Variants in SLC17A9 observed in about 807,000 individuals in gnomAD.
SLC17A9 encodes the protein voltage-gated purine nucleotide uniporter SLC17A9.
Under a neutral mutation model 55.0 loss-of-function variants are expected in SLC17A9, and 49 were observed. That is an observed-to-expected ratio of 0.89 (90% CI 0.71 to 1.13). SLC17A9 has a LOEUF of 1.13. Among genes scored for constraint, SLC17A9 ranks in the 50% most tolerant of loss-of-function variants. The pLI, the probability that SLC17A9 is intolerant of heterozygous loss-of-function variation, is 0.00. For synonymous variants in SLC17A9, 256 were observed against 247.4 expected (o/e 1.03, Z -0.32); for missense variants, 526 against 569.3 (o/e 0.92, Z 0.77).
At position 62,962,845 on chromosome 20, in the gene SLC17A9, A is replaced by G. The variant is rs879919007; in HGVS notation, c.628+91A>G. 42 of 1,537,914 alleles carry G rather than the reference A, an allele frequency of 2.7e-5. No homozygotes were observed. The highest frequency in any genetic ancestry group is 3.6e-5 in the Non-Finnish European group (41 of 1,138,682). ...CAGCCGCTGAGCAGCCTGGAGCAGG[A>G]GCCCGGAGACGATGGCTTTGACCTC... is the stretch of plus-strand genomic sequence containing the variant. On this transcript the variant is annotated intron_variant, in intron 5 of 12. Transcript: ENST00000370351. This position sits in a 1 kb window ranked among gnomAD's most constrained non-coding sequence, Gnocchi z 5.5.
At position 62,963,689 on chromosome 20, in the gene SLC17A9, G is replaced by A; in HGVS notation, c.822+9G>A. 1 of 1,577,172 alleles carries A rather than the reference G, an allele frequency of 6.3e-7. No individual in the cohort carries two copies. The highest frequency in any genetic ancestry group is 2.3e-5 in the East Asian group (1 of 43,458). On this transcript the variant is annotated intron_variant, in intron 7 of 12. Transcript: ENST00000370351. Reference sequence around the variant, plus strand: ...CCTTCCCCGACGCCAAGGTGAGTCGGGGGCTCCCGCAGGGTGAAGGAGCGC... The same window carrying A: ...CCTTCCCCGACGCCAAGGTGAGTCGAGGGCTCCCGCAGGGTGAAGGAGCGC...
chr20:62,960,183 G>A (rs1345832878), intron 3 of SLC17A9, among the ~76,000 whole-genome samples: 2 of 152,270 alleles, frequency 1.3e-5, no homozygotes, highest in Admixed American at 6.5e-5. Flanking sequence ...GTGTTGGTGC[G>A]AGGACTCTAG....
intron 1 of SLC17A9, chr20:62,953,128 T>C (rs1264368303): frequency 3.4e-6 from 5 of 1,492,368 alleles, no homozygotes; most frequent in Admixed American, 2.0e-5. Flanking sequence ...CCAGCCAGTG[T>C]TCCTGGGGCT....
In SLC17A9 at chr20:62,958,463, G is replaced by A. The variant is rs2065561570; in HGVS notation, c.397+883G>A. Among the ~76,000 whole-genome samples the A allele has an allele frequency of 6.6e-6, 1 of 152,060 alleles. No homozygotes were observed. The highest frequency in any genetic ancestry group is 1.5e-5 in the Non-Finnish European group (1 of 67,976). On this transcript the variant is annotated intron_variant, in intron 3 of 12. Coordinates refer to ENST00000370351, the MANE Select transcript of SLC17A9 (RefSeq NM_022082.4). The surrounding 1 kb of genome is among the most constrained non-coding windows in gnomAD (Gnocchi z 4.1). ...CTTTGAGGGGCCCCTACTTGGCTGGGGTCCCCTGGAGAAACAGCCAGGCCT... is the reference window on the plus strand; with the variant it reads ...CTTTGAGGGGCCCCTACTTGGCTGGAGTCCCCTGGAGAAACAGCCAGGCCT...
In SLC17A9 at chr20:62,952,843, C is replaced by G. The variant is rs1307634490; in HGVS notation, c.13C>G (p.Pro5Ala). 5.9e-6 allele frequency: 9 copies of G among 1,532,270 alleles called. No homozygotes were observed. Among genetic ancestry groups the G allele is most frequent in the Non-Finnish European group, 7.9e-6 (9 of 1,144,022 alleles). The allele number at this position is 1,532,270 out of a possible 1,614,324, so 94.9% of individuals were successfully genotyped here. A position where few individuals can be genotyped will look rare whatever the true frequency, so the allele number is the denominator to read the frequency against. Reference protein sequence around the residue: MQPPPDEARRDMAGD... With the variant: MQPPADEARRDMAGD... Reference sequence around the variant, plus strand: ...CACCCCAAGCCCGATGCAGCCACCCCCAGACGAGGCCCGCAGGGACATGGC... The same window carrying G: ...CACCCCAAGCCCGATGCAGCCACCCGCAGACGAGGCCCGCAGGGACATGGC... The change falls in exon 1 of 13, where the codon CCA becomes GCA. Residue 5 changes from proline (P) to alanine (A), a missense_variant. Physicochemically the swap from Pro to Ala is conservative, Grantham distance 27. Transcript: ENST00000370351.
chr20:62,963,401 A>G, intron 6 of SLC17A9, 32 bp downstream of exon 6: 1 of 1,606,066 alleles, frequency 6.2e-7, no homozygotes, highest in Non-Finnish European at 8.5e-7. Context: ...CCCTTGGAGC[A>G]GCGGCAGGGC....
chr20:62,965,134 T>G lies in SLC17A9; in HGVS notation c.913T>G (p.Tyr305Asp). The G allele has an allele frequency of 1.2e-6, 2 of 1,614,094 alleles. No individual in the cohort carries two copies. The highest frequency in any genetic ancestry group is 1.7e-6 in the Non-Finnish European group (2 of 1,180,020). The change falls in exon 9 of 13, where the codon TAC becomes GAC. Residue 305 changes from tyrosine to aspartate, a missense_variant and splice_region_variant. By Grantham distance (160) the Tyr-to-Asp change is radical (BLOSUM62 -3). Coordinates refer to ENST00000370351, the MANE Select transcript of SLC17A9 (RefSeq NM_022082.4). ...CCTTCCTTGGCCTCCCCCTGTAGGT[T>G]ACAGAGCCATCACGGTGCGGAAGCT... ...FLSDHLINQG[Y>D]RAITVRKLMQ...
At chr20:62,953,409 C>G in intron 1 of SLC17A9, 1 of 1,092,042 alleles carries the variant, frequency 9.2e-7, no homozygotes, top group Non-Finnish European at 1.3e-6. Flanking sequence ...GAAGCAGGGC[C>G]TGGGCAGGTC....
intron 4 of SLC17A9, 125 bp downstream of exon 4, chr20:62,960,728 C>T (rs1045241954): frequency 3.4e-6 from 3 of 884,594 alleles, no homozygotes; most frequent in East Asian, 2.7e-5. Flanking sequence ...AGGTGGGTCC[C>T]GCAGGCGCCT....
At chr20:62,964,167 C>G in intron 7 of SLC17A9, 61 bp from the exon 8 acceptor site, 1 of 1,555,282 alleles carries the variant, frequency 6.4e-7, no homozygotes, top group Non-Finnish European at 8.9e-7. Flanking sequence ...GCCTGAGTAT[C>G]CTCTTCCAGA....
chr20:62,962,657 C>A lies in SLC17A9; in HGVS notation c.531C>A (p.Leu177=). 1 of 1,614,068 alleles carries A rather than the reference C, an allele frequency of 6.2e-7. No individual in the cohort carries two copies. The highest frequency in any genetic ancestry group is 1.1e-5 in the South Asian group (1 of 91,068). ...TGACCGGGGCGGTGGGCTCCCTGCT[C>A]CTGGAATGGTACGGCTGGCAGAGCA... The part of the protein sequence containing the change: ...TLLTGAVGSL[L]LEWYGWQSIF... The change falls in exon 5 of 13, where the codon CTC becomes CTA. Residue 177 remains leucine (L), a synonymous_variant. Transcript: ENST00000370351. The surrounding 1 kb of genome is among the most constrained non-coding windows in gnomAD (Gnocchi z 5.5).
Position 62,963,313 on chromosome 20 carries a change from G to A in SLC17A9, c.669G>A (p.Pro223=), listed in dbSNP as rs376167272. The A allele has an allele frequency of 2.7e-5, 44 of 1,613,714 alleles. No individual in the cohort carries two copies. Among genetic ancestry groups the A allele is most frequent in the East Asian group, 1.6e-4 (7 of 44,892 alleles). Residue 223 remains proline, a synonymous_variant, in exon 6 of 13, where the codon CCG becomes CCA. Coordinates refer to ENST00000370351, the MANE Select transcript of SLC17A9 (RefSeq NM_022082.4). ...TGGGTGTCCTGGCCCAAAGCCGGCCGGTGTCCAGGCACAACAGAGTCCCCT... is the reference window on the plus strand; with the variant it reads ...TGGGTGTCCTGGCCCAAAGCCGGCCAGTGTCCAGGCACAACAGAGTCCCCT... ...LALGVLAQSR[P]VSRHNRVPWR...
chr20:62,961,460 C>A (rs1353902045), intron 4 of SLC17A9, among the ~76,000 whole-genome samples: 1 of 152,198 alleles, frequency 6.6e-6, no homozygotes, highest in African/African-American at 2.4e-5. Flanking sequence ...GCTCCAGACC[C>A]TCTAGCGATG....
intron 9 of SLC17A9, 114 bp from the exon 10 acceptor site, chr20:62,965,496 C>T: frequency 9.9e-7 from 1 of 1,008,174 alleles, no homozygotes; most frequent in Non-Finnish European, 1.5e-6. Flanking sequence ...GTGGTCGCAG[C>T]CAACCTGACC....
At chr20:62,956,523 G>A (rs141606889) in intron 1 of SLC17A9, among the ~76,000 whole-genome samples, 3 of 152,324 alleles carry the variant, frequency 2.0e-5, no homozygotes, top group African/African-American at 4.8e-5. Flanking sequence ...TGACCTGCCC[G>A]AGTGCTGGCC....
rs1233491011 is a variant in SLC17A9, at chr20:62,963,649, C to T, written c.791C>T (p.Thr264Ile). The stretch of plus-strand genomic sequence containing the variant: ...TTCATCCTCCTCTCCTGGCTGCCCA[C>T]CTTCTTCGAGGAGACCTTCCCCGAC... Reference protein sequence around the residue: ...SFFILLSWLPTFFEETFPDAK... With the variant: ...SFFILLSWLPIFFEETFPDAK... Residue 264 changes from threonine to isoleucine, a missense_variant, in exon 7 of 13, where the codon ACC (threonine) becomes ATC (isoleucine). Coordinates refer to ENST00000370351, the MANE Select transcript of SLC17A9 (RefSeq NM_022082.4). The T allele has an allele frequency of 6.2e-7, 1 of 1,602,532 alleles. No homozygotes were observed. The highest frequency in any genetic ancestry group is 8.5e-7 in the Non-Finnish European group (1 of 1,174,692).
intron 1 of SLC17A9, 109 bp downstream of exon 1, chr20:62,952,998 G>T (rs1018878052): frequency 1.5e-6 from 2 of 1,317,912 alleles, no homozygotes. Context: ...GGGCTGAGCT[G>T]GGCGGGCTCC....
rs996940440 is a variant in SLC17A9, at chr20:62,962,410, G to A, written c.498-214G>A. Reference sequence around the variant, plus strand: ...CACATGCGTGGCTGGTCCCAGGTTCGCCCCAGCCCTGTGTGCCCGGAGTCT... The same window carrying A: ...CACATGCGTGGCTGGTCCCAGGTTCACCCCAGCCCTGTGTGCCCGGAGTCT... On this transcript the variant is annotated intron_variant, in intron 4 of 12. Coordinates refer to ENST00000370351, the MANE Select transcript of SLC17A9 (RefSeq NM_022082.4). The surrounding 1 kb of genome is among the most constrained non-coding windows in gnomAD (Gnocchi z 5.5). 13 of 429,974 alleles carry A rather than the reference G, an allele frequency of 3.0e-5. No individual in the cohort carries two copies. Among genetic ancestry groups the A allele is most frequent in the South Asian group, 1.9e-4 (6 of 31,610 alleles). 26.6% of individuals were successfully genotyped at this position (429,974 alleles called of 1,614,324 possible).
chr20:62,953,484 C>A (rs896274031), intron 1 of SLC17A9, among the ~76,000 whole-genome samples: 1 of 152,182 alleles, frequency 6.6e-6, no homozygotes, highest in Admixed American at 6.5e-5. Context: ...AGAAACCGGG[C>A]GAGATGGTGA....
Sources: gnomAD v4.1 joint callset for allele counts (sites outside exome capture counted in the v4.1 genomes callset) on GRCh38, gnomAD v4.1.1 for gene constraint, Gnocchi (gnomAD v3.1) non-coding constraint, MANE v1.5 for transcripts, NCBI Gene and HGNC (gene_info 2026-07-23, HGNC 2026-07-21) for gene names.